HS6ST3: variants seen among roughly 807,000 people sequenced by gnomAD.
HS6ST3 encodes the protein heparan sulfate 6-O-sulfotransferase 3.
In HS6ST3, 12 loss-of-function variants were observed where a neutral mutation model predicts 36.7. The ratio of observed to expected loss-of-function variants is 0.33; its 90% CI spans 0.21 to 0.53. HS6ST3 has a LOEUF of 0.53. Ranked by LOEUF, HS6ST3 falls within the 20% of genes least tolerant of loss-of-function variation. HS6ST3 has a pLI of 0.95. For missense variants in HS6ST3, 584 were observed against 640.9 expected, an observed-to-expected ratio of 0.91 and a Z score of 0.96; for synonymous variants, 240 against 257.5, an observed-to-expected ratio of 0.93 and a Z score of 0.65.
At chr13:96,625,286 T>A (rs1184161028) in intron 1 of HS6ST3, among the ~76,000 whole-genome samples, 1 of 152,248 alleles carries the variant, frequency 6.6e-6, no homozygotes, top group Non-Finnish European at 1.5e-5. Context: ...TTGGCACTAC[T>A]TGCTGACTTG....
At chr13:96,657,439 T>G (rs1181570134) in intron 1 of HS6ST3, among the ~76,000 whole-genome samples, 1 of 152,124 alleles carries the variant, frequency 6.6e-6, no homozygotes, top group Non-Finnish European at 1.5e-5. Flanking sequence ...GAGGATCGCT[T>G]GAACCTGGGA....
At chr13:96,733,425 T>C (rs1253170780) in intron 1 of HS6ST3, among the ~76,000 whole-genome samples, 3 of 152,228 alleles carry the variant, frequency 2.0e-5, no homozygotes, top group Non-Finnish European at 4.4e-5. Flanking sequence ...TATTGTGCTG[T>C]ATCACATGTT....
chr13:96,628,169 G>A (rs150628388), intron 1 of HS6ST3, among the ~76,000 whole-genome samples: 4 of 151,668 alleles, frequency 2.6e-5, no homozygotes, highest in Non-Finnish European at 5.9e-5. Flanking sequence ...ATTTCTCTCA[G>A]TATTCACTAA....
intron 1 of HS6ST3, among the ~76,000 whole-genome samples, chr13:96,724,864 A>G (rs976389222): frequency 2.0e-5 from 3 of 152,190 alleles, no homozygotes; most frequent in Non-Finnish European, 2.9e-5. Context: ...CATACATTTT[A>G]TTTCTCTTGA....
chr13:96,667,333 T>G (rs1438629119), intron 1 of HS6ST3, among the ~76,000 whole-genome samples: 3 of 152,204 alleles, frequency 2.0e-5, no homozygotes, highest in Non-Finnish European at 4.4e-5. Flanking sequence ...CAGAATCAGT[T>G]GCTTCTTTGC....
chr13:96,649,983 A>G (rs940876731), intron 1 of HS6ST3, among the ~76,000 whole-genome samples: 1 of 151,826 alleles, frequency 6.6e-6, no homozygotes, highest in Non-Finnish European at 1.5e-5. Context: ...CCTGTAAGTT[A>G]TTCTTTCTGA....
intron 1 of HS6ST3, among the ~76,000 whole-genome samples, chr13:96,686,654 A>T (rs1345660946): frequency 6.6e-6 from 1 of 152,064 alleles, no homozygotes; most frequent in African/African-American, 2.4e-5. Flanking sequence ...ATATTAAAAC[A>T]GAAAGTTTTA....
chr13:96,282,199 A>G lies in HS6ST3; in HGVS notation c.707+190630A>G, dbSNP rs149313301. ...AGCCCAGTCATGCAAAGATGTGAGA[A>G]TGTTGGAATGGAGGTGGAAGAAGGG... On this transcript the variant is annotated intron_variant, in intron 1 of 1. Coordinates refer to ENST00000376705, the MANE Select transcript of HS6ST3 (RefSeq NM_153456.4). Among the ~76,000 whole-genome samples, 3 of 152,264 alleles carry G rather than the reference A, an allele frequency of 2.0e-5. No homozygotes were observed. In the East Asian group the frequency reaches 5.8e-4, roughly 29 times the overall value.
chr13:96,372,898 A>G (rs567001932), intron 1 of HS6ST3, among the ~76,000 whole-genome samples: 1 of 152,140 alleles, frequency 6.6e-6, no homozygotes, highest in South Asian at 2.1e-4. Context: ...TATTGAACTT[A>G]CCCTTTTGTT....
chr13:96,804,154 A>G (rs1302160724), intron 1 of HS6ST3, among the ~76,000 whole-genome samples: 2 of 152,124 alleles, frequency 1.3e-5, no homozygotes, highest in Non-Finnish European at 2.9e-5. Context: ...TGCCAAAAAA[A>G]AAAAAAGAAA....
At chr13:96,261,480 T>A (rs995751972) in intron 1 of HS6ST3, among the ~76,000 whole-genome samples, 1 of 152,148 alleles carries the variant, frequency 6.6e-6, no homozygotes, top group Non-Finnish European at 1.5e-5. Flanking sequence ...TTAGTAAACA[T>A]CCTTGATGAT....
chr13:96,465,611 A>T (rs2055809708), intron 1 of HS6ST3, among the ~76,000 whole-genome samples: 1 of 152,166 alleles, frequency 6.6e-6, no homozygotes, highest in African/African-American at 2.4e-5. Context: ...AGAGAGGATG[A>T]GGGTATGCTT....
intron 1 of HS6ST3, among the ~76,000 whole-genome samples, chr13:96,510,418 A>G (rs2056044918): frequency 6.6e-6 from 1 of 152,026 alleles, no homozygotes. Context: ...GTTGAATAGG[A>G]GTGGTGAAAG....
At chr13:96,549,676 G>A (rs531248733) in intron 1 of HS6ST3, among the ~76,000 whole-genome samples, 5 of 152,016 alleles carry the variant, frequency 3.3e-5, no homozygotes, top group African/African-American at 1.2e-4. Context: ...TTTTACCCAG[G>A]TAACAGTTTA....
At chr13:96,346,507 G>A (rs182489242) in intron 1 of HS6ST3, among the ~76,000 whole-genome samples, 14 of 151,798 alleles carry the variant, frequency 9.2e-5, no homozygotes, top group South Asian at 8.3e-4. Context: ...CCCGGGAGGC[G>A]GAGCTTGCAG....
At chr13:96,276,030 C>A (rs568470039) in intron 1 of HS6ST3, among the ~76,000 whole-genome samples, 1 of 152,204 alleles carries the variant, frequency 6.6e-6, no homozygotes, top group Non-Finnish European at 1.5e-5. Context: ...TCCCATCATG[C>A]CTTGCCTCTC....
intron 1 of HS6ST3, among the ~76,000 whole-genome samples, chr13:96,704,050 A>G (rs923757498): frequency 6.6e-6 from 1 of 152,182 alleles, no homozygotes; most frequent in African/African-American, 2.4e-5. Context: ...TTTCGTTATA[A>G]ATTGTCTGTC....
intron 1 of HS6ST3, among the ~76,000 whole-genome samples, chr13:96,212,720 T>TG (rs1222756846): frequency 6.6e-6 from 1 of 152,106 alleles, no homozygotes; most frequent in Admixed American, 6.5e-5. Context: ...GATACTTTTT[T>TG]GGGGGGTAAA....
intron 1 of HS6ST3, among the ~76,000 whole-genome samples, chr13:96,515,472 T>C (rs1251769061): frequency 6.6e-6 from 1 of 152,250 alleles, no homozygotes; most frequent in Admixed American, 6.5e-5. Context: ...ATTCACGTTT[T>C]ATGCATTTAC....
Sources: allele counts gnomAD v4.1 joint callset (sites outside exome capture counted in the v4.1 genomes callset), GRCh38; gene constraint gnomAD v4.1.1; transcripts MANE v1.5; gene names NCBI Gene and HGNC (gene_info 2026-07-23, HGNC 2026-07-21).